The following MREG variants were observed in gnomAD, a reference collection of about 807,000 sequenced individuals.
MREG encodes melanoregulin, also known as dilute suppressor protein homolog.
MREG carries 31 observed loss-of-function variants against 28.5 expected under a neutral mutation model. The observed-to-expected ratio is 1.09, with a 90% confidence interval of 0.82 to 1.47. The LOEUF is 1.47. MREG is among the 40% of genes most tolerant of loss of function. MREG has a pLI of 0.00. For missense variants in MREG, 256 were observed against 257.4 expected (o/e 0.99, Z 0.04); for synonymous variants, 106 against 95.2 (o/e 1.11, Z -0.66).
At chr2:216,008,087 C>T (rs890589569) in intron 1 of MREG, among the ~76,000 whole-genome samples, 6 of 151,904 alleles carry the variant, frequency 3.9e-5, no homozygotes, top group African/African-American at 1.5e-4. Context: ...CCACAGACAA[C>T]AAGAATCAGC....
chr2:215,974,807 GAC>G (rs1264098300), intron 2 of MREG, among the ~76,000 whole-genome samples: 2 of 118,500 alleles, frequency 1.7e-5, no homozygotes, highest in African/African-American at 6.2e-5. Context: ...CCTAAACACA[GAC>G]ACAGACACAC....
At chr2:216,023,117 G>C (rs1042531084) in intron 1 of MREG, among the ~76,000 whole-genome samples, 1 of 152,104 alleles carries the variant, frequency 6.6e-6, no homozygotes, top group East Asian at 1.9e-4. Context: ...CAACTCTCCC[G>C]GACAAGTTCT....
chr2:215,952,752 G>A (rs560284916), intron 2 of MREG, among the ~76,000 whole-genome samples: 1 of 152,012 alleles, frequency 6.6e-6, no homozygotes, highest in South Asian at 2.1e-4. Flanking sequence ...GAAAACCAGA[G>A]GTTTTCATTT....
At chr2:215,971,224 G>C (rs1693086002) in intron 2 of MREG, among the ~76,000 whole-genome samples, 1 of 152,040 alleles carries the variant, frequency 6.6e-6, no homozygotes, top group Non-Finnish European at 1.5e-5. Context: ...GGTTGATACG[G>C]GCAGCAAACC....
At chr2:216,002,353 C>T (rs928230112) in intron 1 of MREG, among the ~76,000 whole-genome samples, 2 of 152,130 alleles carry the variant, frequency 1.3e-5, no homozygotes, top group Non-Finnish European at 2.9e-5. Context: ...AGCTATTTAC[C>T]GAGAGTTCCT....
chr2:216,030,956 TCACACACACACA>T (rs1219074422), intron 1 of MREG, among the ~76,000 whole-genome samples: 1 of 113,350 alleles, frequency 8.8e-6, no homozygotes, highest in African/African-American at 3.8e-5. Flanking sequence ...TCTCTCTCTC[TCACACACACACA>T]CACACACACA....
chr2:216,009,514 G>A (rs983418219), intron 1 of MREG, among the ~76,000 whole-genome samples: 1 of 152,098 alleles, frequency 6.6e-6, no homozygotes. Context: ...TCTGATGTCT[G>A]TATTAGATCC....
At chr2:215,939,406 T>C (rs1204494775), downstream of MREG, 1 of 152,226 alleles carries the variant, frequency 6.6e-6, no homozygotes, top group Non-Finnish European at 1.5e-5. Context: ...AAACGTACAA[T>C]TGTTATTGGC....
upstream of MREG, among the ~76,000 whole-genome samples, chr2:216,014,648 C>CAAA (rs33939793): frequency 8.1e-5 from 11 of 135,536 alleles, no homozygotes; most frequent in African/African-American, 1.4e-4. Context: ...GACTCCGTCT[C>CAAA]AAAAAAAAAA....
upstream of MREG, among the ~76,000 whole-genome samples, chr2:216,017,255 T>C (rs531326085): frequency 5.9e-5 from 9 of 152,344 alleles, no homozygotes; most frequent in East Asian, 1.7e-3. Flanking sequence ...TCCTTGTTAG[T>C]ATACTAATAC....
At chr2:215,987,755 T>C (rs1693611592) in intron 2 of MREG, among the ~76,000 whole-genome samples, 1 of 151,958 alleles carries the variant, frequency 6.6e-6, no homozygotes, top group African/African-American at 2.4e-5. Flanking sequence ...AATTAAAAAT[T>C]AGCCGGGTGT....
chr2:215,960,269 C>T (rs983153474), intron 2 of MREG, among the ~76,000 whole-genome samples: 26 of 152,088 alleles, frequency 1.7e-4, no homozygotes, highest in African/African-American at 6.3e-4. Context: ...TACTCTTATA[C>T]AATAGGTATC....
intron 1 of MREG, among the ~76,000 whole-genome samples, chr2:216,007,670 T>C (rs915367739): frequency 5.3e-5 from 8 of 151,886 alleles, no homozygotes; most frequent in Non-Finnish European, 1.0e-4. Context: ...CCTCAAGTGA[T>C]CCACCTGTCT....
At chr2:215,997,905 C>T (rs1021664681) in intron 1 of MREG, among the ~76,000 whole-genome samples, 8 of 152,158 alleles carry the variant, frequency 5.3e-5, no homozygotes, top group African/African-American at 1.4e-4. Flanking sequence ...AAGCAGAGTG[C>T]CAGTCCCCAG....
upstream of MREG, among the ~76,000 whole-genome samples, chr2:216,015,570 A>G (rs1694436640): frequency 6.6e-6 from 1 of 152,178 alleles, no homozygotes; most frequent in Non-Finnish European, 1.5e-5. Context: ...AGGGAACGAT[A>G]TGGTCTAACT....
upstream of MREG, among the ~76,000 whole-genome samples, chr2:216,033,219 AC>A (rs1694737234): frequency 6.6e-6 from 1 of 151,426 alleles, no homozygotes; most frequent in Non-Finnish European, 1.5e-5. Context: ...CATTTCACCA[AC>A]CCCCCTTCCT....
chr2:215,962,900 C>T (rs1264568688), intron 2 of MREG, among the ~76,000 whole-genome samples: 1 of 152,142 alleles, frequency 6.6e-6, no homozygotes, highest in Non-Finnish European at 1.5e-5. Flanking sequence ...ATTTGGGAGG[C>T]CAAAGCAGAT....
intron 2 of MREG, among the ~76,000 whole-genome samples, chr2:215,980,260 C>A (rs1023045331): frequency 2.0e-5 from 3 of 152,220 alleles, no homozygotes; most frequent in Non-Finnish European, 2.9e-5. Context: ...TCAGGACTCA[C>A]AAGGTACGTT....
chr2:215,964,178 G>A (rs757404302), intron 2 of MREG, among the ~76,000 whole-genome samples: 2 of 152,070 alleles, frequency 1.3e-5, no homozygotes, highest in African/African-American at 4.8e-5. Flanking sequence ...AATATACCAA[G>A]GGGTTAATAT....
Sources: gnomAD v4.1 joint callset for allele counts (sites outside exome capture counted in the v4.1 genomes callset) on GRCh38, gnomAD v4.1.1 for gene constraint, MANE v1.5 for transcripts, NCBI Gene and HGNC (gene_info 2026-07-23, HGNC 2026-07-21) for gene names.